The following FBLN1 variants were observed in gnomAD, a reference collection of about 807,000 sequenced individuals.
The protein encoded by FBLN1 is fibulin 1.
In FBLN1, 34 loss-of-function variants were observed where a neutral mutation model predicts 89.7. The ratio of observed to expected loss-of-function variants is 0.38; its 90% CI spans 0.29 to 0.50. The LOEUF (loss-of-function observed/expected upper bound fraction) is 0.50. FBLN1 is among the 20% of genes least tolerant of loss of function. The pLI is 0.92. For missense variants in FBLN1, 777 were observed against 988.1 expected (o/e 0.79, Z 2.86); for synonymous variants, 393 against 391.3 (o/e 1.00, Z -0.05).
chr22:45,558,164 T>A, intron 14 of FBLN1: 1 of 709,348 alleles, frequency 1.4e-6, no homozygotes, highest in Non-Finnish European at 2.6e-6. Flanking sequence ...TTTGAGCCAC[T>A]TCCTCATGTA....
At chr22:45,513,564 A>G (rs948756503) in intron 1 of FBLN1, among the ~76,000 whole-genome samples, 4 of 151,440 alleles carry the variant, frequency 2.6e-5, no homozygotes, top group Non-Finnish European at 4.4e-5. Context: ...ATACAGTCAC[A>G]TTATTGTACA....
At position 45,583,196 on chromosome 22, in the gene FBLN1, T is replaced by C. The variant is rs1186982191; in HGVS notation, c.1972+6088T>C. The stretch of plus-strand genomic sequence containing the variant: ...AGCTGCACTGCCCAAGCAGGTCCTT[T>C]AGTCAGCTCTCTGTTGTCCCCCAAG... On this transcript the variant is annotated intron_variant, in intron 16 of 16. Transcript: ENST00000327858. The surrounding 1 kb of genome is among the most constrained non-coding windows in gnomAD (Gnocchi z 4.5). 6.6e-6 allele frequency among the ~76,000 whole-genome samples: 1 copy of C among 152,198 alleles called. No individual in the cohort carries two copies. Among genetic ancestry groups the C allele is most frequent in the Admixed American group, 6.5e-5 (1 of 15,278 alleles).
chr22:45,507,889 C>T (rs559537493), intron 1 of FBLN1, among the ~76,000 whole-genome samples: 1 of 152,252 alleles, frequency 6.6e-6, no homozygotes, highest in Admixed American at 6.5e-5. Flanking sequence ...GTTTTGCTAC[C>T]TAGGTATGAA....
At chr22:45,554,702 T>C (rs940395021) in intron 14 of FBLN1, among the ~76,000 whole-genome samples, 3 of 152,146 alleles carry the variant, frequency 2.0e-5, no homozygotes, top group African/African-American at 7.2e-5. Context: ...GACCTCAGAA[T>C]CCAGACACAG....
At chr22:45,560,965 G>A (rs2088844315) in intron 14 of FBLN1, among the ~76,000 whole-genome samples, 1 of 152,164 alleles carries the variant, frequency 6.6e-6, no homozygotes, top group Non-Finnish European at 1.5e-5. Flanking sequence ...AAGGTGGAAA[G>A]GCTGATGGGT....
At chr22:45,551,931 A>G (rs1411373844) in intron 14 of FBLN1, among the ~76,000 whole-genome samples, 1 of 152,134 alleles carries the variant, frequency 6.6e-6, no homozygotes, top group Admixed American at 6.5e-5. Context: ...CACCTTTCGA[A>G]GAGGGGGAGG....
chr22:45,503,086 C>G (rs1482843534), intron 1 of FBLN1, 22 bp downstream of exon 1: 1 of 1,230,626 alleles, frequency 8.1e-7, no homozygotes, highest in African/African-American at 1.6e-5. Context: ...CCGGGTCCGC[C>G]GCCCCAGCTT....
In FBLN1 at chr22:45,548,655, C is replaced by T; in HGVS notation, c.1484C>T (p.Ser495Phe). The T allele has an allele frequency of 6.2e-7, 1 of 1,613,862 alleles. No individual in the cohort carries two copies. The highest frequency in any genetic ancestry group is 1.7e-5 in the Admixed American group (1 of 60,036). Residue 495 changes from serine to phenylalanine, a missense_variant, in exon 13 of 17, where the codon TCC (serine) becomes TTC (phenylalanine). Transcript: ENST00000327858. Reference protein sequence around the residue: ...CALPTGGHICSYRCINIPGSF... With the variant: ...CALPTGGHICFYRCINIPGSF... ...CTGCCCACCGGGGGCCACATCTGCT[C>T]CTACCGCTGCATCAACATCCCTGGA...
At chr22:45,533,638 TG>T (rs2088440250) in intron 6 of FBLN1, 122 bp from the exon 7 acceptor site, 1 of 1,109,062 alleles carries the variant, frequency 9.0e-7, no homozygotes, top group Admixed American at 1.7e-5. Context: ...ATGGTGGACC[TG>T]AGCTCAGTTT....
rs963102615 is a variant in FBLN1 at position 45,578,908 on chromosome 22, C to A, written c.1972+1800C>A. On this transcript the variant is annotated intron_variant, in intron 16 of 16. Coordinates refer to ENST00000327858, the MANE Select transcript of FBLN1 (RefSeq NM_006486.3). This position sits in a 1 kb window ranked among gnomAD's most constrained non-coding sequence, Gnocchi z 4.6. ...TGCAGATACAGAGATGGATAAATGC[C>A]ACATAGCCCCTGAGGACTTTGCATC... 6.6e-6 allele frequency among the ~76,000 whole-genome samples: 1 copy of A among 152,228 alleles called. No individual in the cohort carries two copies. Among genetic ancestry groups the A allele is most frequent in the South Asian group, 2.1e-4 (1 of 4,830 alleles).
rs922537747 is a variant in FBLN1 at position 45,532,362 on chromosome 22, G to A, written c.545-701G>A. Among the ~76,000 whole-genome samples, 4 of 152,128 alleles carry A rather than the reference G, an allele frequency of 2.6e-5. No homozygotes were observed. The highest frequency in any genetic ancestry group is 1.9e-4 in the East Asian group (1 of 5,174). On this transcript the variant is annotated intron_variant, in intron 5 of 16. Transcript: ENST00000327858. This position sits in a 1 kb window ranked among gnomAD's most constrained non-coding sequence, Gnocchi z 4.2. ...AGACCTGAAGCCTTGTAAAGGGCACGGACCCACTGTAGCAGGGTACTGGGA... is the reference window on the plus strand; with the variant it reads ...AGACCTGAAGCCTTGTAAAGGGCACAGACCCACTGTAGCAGGGTACTGGGA...
chr22:45,522,350 T>G (rs1345859549), intron 2 of FBLN1, among the ~76,000 whole-genome samples: 1 of 152,222 alleles, frequency 6.6e-6, no homozygotes, highest in Non-Finnish European at 1.5e-5. Flanking sequence ...CAGTTTTTGT[T>G]CATTCAACAA....
chr22:45,541,256 C>A lies in FBLN1; in HGVS notation c.950C>A (p.Ala317Asp), dbSNP rs200450059. Residue 317 changes from alanine (A) to aspartate (D), a missense_variant, in exon 9 of 17, where the codon GCC (alanine) becomes GAC (aspartate). Transcript: ENST00000327858. ...ATCAATGAGTGTTTGAGTATCAGTG[C>A]CCCGTGCCCTATCGGGCATACATGC... ...IDINECLSIS[A>D]PCPIGHTCIN... The A allele has an allele frequency of 1.2e-6, 2 of 1,614,090 alleles. No homozygotes were observed. Among genetic ancestry groups the A allele is most frequent in the Non-Finnish European group, 1.7e-6 (2 of 1,180,024 alleles).
In FBLN1 at chr22:45,542,270, C is replaced by T. The variant is rs981446754; in HGVS notation, c.1182C>T (p.Ser394=). The part of the protein sequence containing the change: ...CKTGYYFDGI[S]RMCVDVNECQ... The stretch of plus-strand genomic sequence containing the variant: ...CGGGTTACTATTTTGACGGCATCAG[C>T]AGGATGTGTGTCGGTGCGTGGGGGG... The change falls in exon 10 of 17, where the codon AGC becomes AGT. Residue 394 remains serine, a synonymous_variant. Transcript: ENST00000327858. 2 of 1,613,864 alleles carry T rather than the reference C, an allele frequency of 1.2e-6. No homozygotes were observed. Among genetic ancestry groups the T allele is most frequent in the African/African-American group, 1.3e-5 (1 of 74,952 alleles).
intron 1 of FBLN1, among the ~76,000 whole-genome samples, chr22:45,514,298 C>T (rs2088140661): frequency 6.6e-6 from 1 of 152,188 alleles, no homozygotes; most frequent in African/African-American, 2.4e-5. Context: ...GGGCTACACA[C>T]ATCTTTAACC....
chr22:45,573,520 A>T (rs1037289376), intron 14 of FBLN1, among the ~76,000 whole-genome samples: 3 of 151,444 alleles, frequency 2.0e-5, no homozygotes, highest in Admixed American at 6.6e-5. Flanking sequence ...CTAAAAAAAA[A>T]TACAAAAAAA....
At chr22:45,528,241 G>C (rs1371262082) in intron 4 of FBLN1, among the ~76,000 whole-genome samples, 1 of 152,202 alleles carries the variant, frequency 6.6e-6, no homozygotes, top group Non-Finnish European at 1.5e-5. Context: ...TTCCCGGGGA[G>C]GCCAGTCTTT....
chr22:45,535,975 G>A (rs2146972183), intron 8 of FBLN1, among the ~76,000 whole-genome samples: 1 of 152,296 alleles, frequency 6.6e-6, no homozygotes, highest in East Asian at 1.9e-4. Flanking sequence ...TTGAGCCCAG[G>A]TTTTTGAGGC....
Position 45,563,054 on chromosome 22 carries a change from G to A in FBLN1, c.1698-11457G>A, listed in dbSNP as rs199711037. On this transcript the variant is annotated intron_variant, in intron 14 of 16. Coordinates refer to ENST00000327858, the MANE Select transcript of FBLN1 (RefSeq NM_006486.3). The surrounding 1 kb of genome is among the most constrained non-coding windows in gnomAD (Gnocchi z 5.7). ...CATGGGCCCCTCCAGTGCTGTCCCC[G>A]GGGACAGCATGCAGCTGGCCATCAC... 3.8e-5 allele frequency: 62 copies of A among 1,613,328 alleles called. No individual in the cohort carries two copies. The highest frequency in any genetic ancestry group is 2.7e-4 in the Admixed American group (16 of 60,012).
Sources: gnomAD v4.1 joint callset for allele counts (sites outside exome capture counted in the v4.1 genomes callset) on GRCh38, gnomAD v4.1.1 for gene constraint, Gnocchi (gnomAD v3.1) non-coding constraint, MANE v1.5 for transcripts, NCBI Gene and HGNC (gene_info 2026-07-23, HGNC 2026-07-21) for gene names.